The following BCR variants were observed in gnomAD, a reference collection of about 807,000 sequenced individuals.
BCR encodes the protein BCR activator of RhoGEF and GTPase, also known as breakpoint cluster region protein.
A neutral mutation model predicts 138.6 loss-of-function variants in BCR; 58 were observed. That is an observed-to-expected ratio of 0.42 (90% CI 0.34 to 0.52). The LOEUF (loss-of-function observed/expected upper bound fraction) is 0.52, where lower values mean the gene tolerates loss of function less well. Among genes scored for constraint, BCR ranks in the 20% least tolerant of loss-of-function variants. The pLI is 0.06. For synonymous variants in BCR, 786 were observed against 730.1 expected (o/e 1.08, Z -1.23); for missense variants, 1,599 against 1,727.2 (o/e 0.93, Z 1.32).
At chr22:23,241,440 C>T (rs5759655) in intron 1 of BCR, among the ~76,000 whole-genome samples, 78,194 of 151,950 alleles carry the variant, frequency 0.51, 20,289 homozygotes, top group East Asian at 0.68. Flanking sequence ...AGCACCTTTG[C>T]TGGTGTGGAG....
intron 14 of BCR, among the ~76,000 whole-genome samples, chr22:23,291,739 G>T (rs563591529): frequency 9.2e-5 from 14 of 152,218 alleles, no homozygotes; most frequent in African/African-American, 3.4e-4. Flanking sequence ...CCTTTGAGGG[G>T]CACCACCATC....
intron 1 of BCR, among the ~76,000 whole-genome samples, chr22:23,244,445 C>T (rs576542166): frequency 6.6e-6 from 1 of 152,308 alleles, no homozygotes; most frequent in South Asian, 2.1e-4. Context: ...CCTCCCTCTC[C>T]TCCGTTAGGT....
chr22:23,186,480 C>T (rs1300223955), intron 1 of BCR, among the ~76,000 whole-genome samples: 1 of 152,192 alleles, frequency 6.6e-6, no homozygotes, highest in Non-Finnish European at 1.5e-5. Flanking sequence ...GTACGACCAT[C>T]ACTACTGTCC....
At chr22:23,205,407 G>A (rs9624056) in intron 1 of BCR, among the ~76,000 whole-genome samples, 9 of 152,096 alleles carry the variant, frequency 5.9e-5, no homozygotes, top group East Asian at 5.8e-4. Context: ...CGGATCTGCC[G>A]GTGTTCCCTC....
chr22:23,193,270 G>A (rs1326327372), intron 1 of BCR, among the ~76,000 whole-genome samples: 1 of 152,278 alleles, frequency 6.6e-6, no homozygotes, highest in Non-Finnish European at 1.5e-5. Flanking sequence ...GAAGGGAAAA[G>A]ATCTGGACTT....
intron 16 of BCR, among the ~76,000 whole-genome samples, chr22:23,305,696 C>A (rs745405952): frequency 6.6e-6 from 1 of 152,188 alleles, no homozygotes; most frequent in African/African-American, 2.4e-5. Flanking sequence ...CATAGTCATT[C>A]TTTCAAGGCT....
intron 1 of BCR, among the ~76,000 whole-genome samples, chr22:23,243,592 A>G (rs1203611802): frequency 6.6e-6 from 1 of 151,874 alleles, no homozygotes; most frequent in Non-Finnish European, 1.5e-5. Flanking sequence ...ATCCTTTACA[A>G]TAAACTGGTA....
At position 23,308,820 on chromosome 22, in the gene BCR, GCTGT is replaced by G. The variant is rs148831563; in HGVS notation, c.3013-600_3013-597del. On this transcript the variant is annotated intron_variant, in intron 16 of 22. Transcript: ENST00000305877. ...ATTAAGGACAAGCTCCTGCAGGCTA[GCTGT>G]CTGGATAGTGCCGGGTGGGGGTAGA... Among the ~76,000 whole-genome samples the G allele has an allele frequency of 5.4e-3, 821 of 152,326 alleles. 7 individuals are homozygous for G. The highest frequency in any genetic ancestry group is 0.019 in the African/African-American group (781 of 41,556).
At chr22:23,292,459 G>T in intron 14 of BCR, 82 bp from the exon 15 acceptor site, 1 of 989,796 alleles carries the variant, frequency 1.0e-6, no homozygotes, top group Non-Finnish European at 1.5e-6. Flanking sequence ...TTCTGATTCT[G>T]CAAATAACAC....
At chr22:23,265,682 G>A (rs528014313) in intron 4 of BCR, among the ~76,000 whole-genome samples, 1 of 152,318 alleles carries the variant, frequency 6.6e-6, no homozygotes, top group East Asian at 1.9e-4. Context: ...ATGGGGCAAA[G>A]AGCTCTAGTA....
At chr22:23,187,711 C>T (rs1238567617) in intron 1 of BCR, among the ~76,000 whole-genome samples, 2 of 152,106 alleles carry the variant, frequency 1.3e-5, no homozygotes, top group Non-Finnish European at 2.9e-5. Flanking sequence ...TGATACATAT[C>T]TGCAATGCAT....
intron 1 of BCR, among the ~76,000 whole-genome samples, chr22:23,196,033 A>C (rs1353060734): frequency 6.6e-6 from 1 of 152,242 alleles, no homozygotes; most frequent in Non-Finnish European, 1.5e-5. Flanking sequence ...CACTTTCTGC[A>C]GTCACCATGA....
chr22:23,232,804 C>T (rs1053065850), intron 1 of BCR, among the ~76,000 whole-genome samples: 2 of 152,204 alleles, frequency 1.3e-5, no homozygotes, highest in East Asian at 3.8e-4. Flanking sequence ...ATTTACAAAC[C>T]ATCTGTAGCA....
chr22:23,202,134 G>A (rs190619881), intron 1 of BCR, among the ~76,000 whole-genome samples: 1 of 152,182 alleles, frequency 6.6e-6, no homozygotes, highest in Non-Finnish European at 1.5e-5. Flanking sequence ...ATGAATTTTT[G>A]TTGGACATTT....
chr22:23,303,216 G>A (rs538212252), intron 16 of BCR, among the ~76,000 whole-genome samples: 207 of 152,226 alleles, frequency 1.4e-3, no homozygotes, highest in African/African-American at 4.8e-3. Context: ...CTGGGTACTG[G>A]AGATACCACA....
At chr22:23,272,679 G>A (rs117494004) in intron 6 of BCR, among the ~76,000 whole-genome samples, 9 of 152,130 alleles carry the variant, frequency 5.9e-5, no homozygotes, top group Admixed American at 5.2e-4. Flanking sequence ...TCCTGGGATC[G>A]ATGGTAAGAG....
At chr22:23,195,433 AAAAAAAAT>A (rs1012115600) in intron 1 of BCR, among the ~76,000 whole-genome samples, 1 of 151,448 alleles carries the variant, frequency 6.6e-6, no homozygotes, top group African/African-American at 2.4e-5. Context: ...AAAAAAAAAA[AAAAAAAAT>A]ATCAGCTGGG....
At chr22:23,261,284 A>G (rs2073353047) in intron 3 of BCR, 71 bp from the exon 4 acceptor site, 1 of 1,457,582 alleles carries the variant, frequency 6.9e-7, no homozygotes, top group Admixed American at 1.9e-5. Flanking sequence ...ATGACTGTCT[A>G]CTGCCATACA....
chr22:23,302,365 G>A (rs1209416194), intron 16 of BCR: 3 of 152,426 alleles, frequency 2.0e-5, no homozygotes, highest in East Asian at 1.9e-4. Flanking sequence ...GGCCTGCCAG[G>A]GACCTCTGCC....
Sources: gnomAD v4.1 joint callset for allele counts (sites outside exome capture counted in the v4.1 genomes callset) on GRCh38, gnomAD v4.1.1 for gene constraint, MANE v1.5 for transcripts, NCBI Gene and HGNC (gene_info 2026-07-23, HGNC 2026-07-21) for gene names.